CTNNA2: variants seen among roughly 807,000 people sequenced by gnomAD.
The protein encoded by CTNNA2 is catenin alpha 2.
CTNNA2 carries 42 observed loss-of-function variants against 101.0 expected under a neutral mutation model. That is an observed-to-expected ratio of 0.42 (90% CI 0.32 to 0.54). The LOEUF (loss-of-function observed/expected upper bound fraction) is 0.54. Among genes scored for constraint, CTNNA2 ranks in the 20% least tolerant of loss-of-function variants. The pLI is 0.14. For synonymous variants in CTNNA2, 450 were observed against 456.4 expected, an observed-to-expected ratio of 0.99 and a Z score of 0.18; for missense variants, 871 against 1,223.1, an observed-to-expected ratio of 0.71 and a Z score of 4.29.
At chr2:79,953,204 CTGGAAGGTAGA>C (rs1321968449) in intron 7 of CTNNA2, among the ~76,000 whole-genome samples, 1 of 152,202 alleles carries the variant, frequency 6.6e-6, no homozygotes, top group Non-Finnish European at 1.5e-5. Flanking sequence ...TCACTCTCTT[CTGGAAGGTAGA>C]TTCCCACTTT....
intron 9 of CTNNA2, among the ~76,000 whole-genome samples, chr2:80,538,855 G>A (rs1278374509): frequency 1.3e-5 from 2 of 152,154 alleles, no homozygotes; most frequent in African/African-American, 2.4e-5. Flanking sequence ...TCCTGTCCAC[G>A]AGCATGGACT....
chr2:79,760,770 C>T (rs992463728), intron 3 of CTNNA2, among the ~76,000 whole-genome samples: 10 of 152,130 alleles, frequency 6.6e-5, no homozygotes, highest in African/African-American at 2.2e-4. Flanking sequence ...TTTATTGTTT[C>T]TAAATTTCTA....
At chr2:79,944,835 G>A (rs1228128317) in intron 7 of CTNNA2, among the ~76,000 whole-genome samples, 1 of 152,040 alleles carries the variant, frequency 6.6e-6, no homozygotes, top group African/African-American at 2.4e-5. Context: ...TGACAGCATT[G>A]TTTTAAACAT....
intron 7 of CTNNA2, among the ~76,000 whole-genome samples, chr2:80,301,725 T>G (rs1676328235): frequency 6.6e-6 from 1 of 152,176 alleles, no homozygotes; most frequent in African/African-American, 2.4e-5. Flanking sequence ...TTCTTTGCCC[T>G]TCTTTAAAAT....
At chr2:80,305,101 G>C in intron 7 of CTNNA2, 2 of 985,238 alleles carry the variant, frequency 2.0e-6, no homozygotes, top group Non-Finnish European at 2.4e-6. Context: ...AGAAATCAAC[G>C]TTTGGACCTT....
chr2:79,218,880 C>G (rs1238643183), intron 2 of CTNNA2, among the ~76,000 whole-genome samples: 1 of 152,078 alleles, frequency 6.6e-6, no homozygotes, highest in African/African-American at 2.4e-5. Flanking sequence ...TTGATTGATA[C>G]TTGTTTTCTA....
intron 7 of CTNNA2, among the ~76,000 whole-genome samples, chr2:80,300,586 C>T (rs1217929907): frequency 6.6e-6 from 1 of 151,668 alleles, no homozygotes; most frequent in Admixed American, 6.6e-5. Flanking sequence ...GGTTCCCCAT[C>T]CCCCCATTCC....
In CTNNA2 at chr2:79,233,641, T is replaced by C. The variant is rs547965829; in HGVS notation, c.-406+35565T>C. Among the ~76,000 whole-genome samples the C allele has an allele frequency of 2.0e-4, 31 of 152,294 alleles. No homozygotes were observed. The South Asian group carries it at 4.1e-3, about 20-fold the overall frequency. ...GCCTCAATAATCTGTCTAATGCTGT[T>C]AGTGTGGTGTCAAAGTCCCCCACTA... is the stretch of plus-strand genomic sequence containing the variant. On this transcript the variant is annotated intron_variant, in intron 2 of 21. Transcript: ENST00000466387.
intron 7 of CTNNA2, among the ~76,000 whole-genome samples, chr2:79,953,342 C>A (rs1304199486): frequency 1.3e-5 from 2 of 152,194 alleles, no homozygotes; most frequent in African/African-American, 4.8e-5. Context: ...GGTCTTTGCA[C>A]AGTTCCAGAC....
intron 12 of CTNNA2, among the ~76,000 whole-genome samples, chr2:80,567,149 A>G (rs927390783): frequency 3.3e-5 from 5 of 152,212 alleles, no homozygotes; most frequent in East Asian, 1.9e-4. Flanking sequence ...ATCTCTAAAA[A>G]GATTCTGAGC....
In CTNNA2 at chr2:79,887,140, C is replaced by T. The variant is rs116454374; in HGVS notation, c.852+12798C>T. ...CCCAGACTTGTGTTTTTGAAGATCC[C>T]TGTGGCTGCAGTGGCTGCCGGGGGG... is the stretch of plus-strand genomic sequence containing the variant. On this transcript the variant is annotated intron_variant, in intron 6 of 18. Coordinates refer to ENST00000402739, the MANE Select transcript of CTNNA2 (RefSeq NM_001282597.3). 2.8e-3 allele frequency among the ~76,000 whole-genome samples: 421 copies of T among 151,924 alleles called. 3 individuals are homozygous for T. The highest frequency in any genetic ancestry group is 9.9e-3 in the African/African-American group (409 of 41,272).
At chr2:80,010,354 CTG>C (rs1219572650) in intron 7 of CTNNA2, among the ~76,000 whole-genome samples, 3 of 152,130 alleles carry the variant, frequency 2.0e-5, no homozygotes, top group Non-Finnish European at 4.4e-5. Context: ...GGGTCTCACT[CTG>C]TTGCCCAGGC....
intron 4 of CTNNA2, among the ~76,000 whole-genome samples, chr2:79,382,599 A>G (rs912045940): frequency 1.3e-5 from 2 of 152,176 alleles, no homozygotes; most frequent in African/African-American, 4.8e-5. Context: ...ACATCCCAAA[A>G]TAAAATAAAC....
intron 2 of CTNNA2, among the ~76,000 whole-genome samples, chr2:79,664,925 A>G (rs1435929714): frequency 6.6e-6 from 1 of 151,736 alleles, no homozygotes; most frequent in Non-Finnish European, 1.5e-5. Flanking sequence ...GTTAGCCAAG[A>G]TGGTCTCGAT....
At position 80,613,112 on chromosome 2, in the gene CTNNA2, C is replaced by G. The variant is rs189014142; in HGVS notation, c.2430+4794C>G. The stretch of plus-strand genomic sequence containing the variant: ...TTTTACAGAGTAAATGGCAGTAGTT[C>G]TTTGCATATACTTTGCTAGTAAAAT... On this transcript the variant is annotated intron_variant, in intron 17 of 18. Coordinates refer to ENST00000402739, the MANE Select transcript of CTNNA2 (RefSeq NM_001282597.3). 5 of 151,558 alleles carry G rather than the reference C, an allele frequency of 3.3e-5. No homozygotes were observed. The East Asian group carries it at 9.8e-4, about 30-fold the overall frequency. The allele number at this position is 151,558 out of a possible 1,614,324, so 9.4% of individuals were successfully genotyped here. A position where few individuals can be genotyped will look rare whatever the true frequency, so the allele number is the denominator to read the frequency against.
chr2:80,432,628 T>G (rs1394402069), intron 9 of CTNNA2, among the ~76,000 whole-genome samples: 1 of 152,160 alleles, frequency 6.6e-6, no homozygotes, highest in Non-Finnish European at 1.5e-5. Flanking sequence ...AATAGGACCC[T>G]CATTATTTAT....
chr2:80,639,187 T>A (rs1673179327), intron 18 of CTNNA2, among the ~76,000 whole-genome samples: 1 of 152,160 alleles, frequency 6.6e-6, no homozygotes, highest in Non-Finnish European at 1.5e-5. Flanking sequence ...GATCAGTATG[T>A]GTTGTAATAT....
chr2:79,351,583 C>T (rs1343716775), intron 3 of CTNNA2, among the ~76,000 whole-genome samples: 7 of 152,088 alleles, frequency 4.6e-5, no homozygotes, highest in Non-Finnish European at 1.0e-4. Context: ...ACCCCTACCC[C>T]TCTCCATTCT....
intron 3 of CTNNA2, among the ~76,000 whole-genome samples, chr2:79,842,258 C>G (rs777392021): frequency 6.6e-5 from 10 of 152,130 alleles, no homozygotes; most frequent in Non-Finnish European, 1.2e-4. Context: ...CTGTAGCTAG[C>G]CTTTCTAGAT....
Sources: gnomAD v4.1 joint callset for allele counts (sites outside exome capture counted in the v4.1 genomes callset) on GRCh38, gnomAD v4.1.1 for gene constraint, MANE v1.5 for transcripts, NCBI Gene and HGNC (gene_info 2026-07-23, HGNC 2026-07-21) for gene names.